MACROD2: variants seen among roughly 807,000 people sequenced by gnomAD.
MACROD2 encodes the protein ADP-ribose glycohydrolase MACROD2.
In MACROD2, 36 loss-of-function variants were observed where a neutral mutation model predicts 70.4. The observed-to-expected ratio is 0.51, with a 90% CI of 0.39 to 0.68. The LOEUF is 0.68. Among genes scored for constraint, MACROD2 ranks in the 30% least tolerant of loss-of-function variants. The pLI is 0.00. For missense variants in MACROD2, 496 were observed against 538.4 expected (o/e 0.92, Z 0.78); for synonymous variants, 172 against 178.8 (o/e 0.96, Z 0.30).
At chr20:14,515,888 T>G (rs1460948510) in intron 4 of MACROD2, among the ~76,000 whole-genome samples, 1 of 151,256 alleles carries the variant, frequency 6.6e-6, no homozygotes, top group African/African-American at 2.4e-5. Flanking sequence ...GGTAAGGTGA[T>G]AGATATGTTA....
chr20:14,295,812 TAGAGGATAAA>T (rs1422382704), intron 3 of MACROD2, among the ~76,000 whole-genome samples: 2 of 151,850 alleles, frequency 1.3e-5, no homozygotes, highest in East Asian at 1.9e-4. Context: ...GTTTACTCTA[TAGAGGATAAA>T]ACTTTTATTG....
chr20:14,755,953 A>C (rs2071934846), intron 5 of MACROD2, among the ~76,000 whole-genome samples: 1 of 152,128 alleles, frequency 6.6e-6, no homozygotes, highest in South Asian at 2.1e-4. Context: ...CTTAAGATTT[A>C]CTAGTAATGT....
chr20:14,888,163 G>C (rs1240212516), intron 5 of MACROD2: 1 of 152,108 alleles, frequency 6.6e-6, no homozygotes, highest in Non-Finnish European at 1.5e-5. Context: ...ATCAGTCCTG[G>C]AGCCTGAGTA....
chr20:15,470,909 C>T (rs894569485), intron 7 of MACROD2, among the ~76,000 whole-genome samples: 1 of 152,174 alleles, frequency 6.6e-6, no homozygotes, highest in African/African-American at 2.4e-5. Context: ...TGCCTTCTCT[C>T]AGTCCTTGGC....
chr20:14,565,316 A>G (rs1008032887), intron 4 of MACROD2, among the ~76,000 whole-genome samples: 3 of 151,676 alleles, frequency 2.0e-5, no homozygotes, highest in Admixed American at 6.6e-5. Context: ...ATGTAACACA[A>G]CTGAACTTAT....
chr20:14,728,892 C>T (rs995322736), intron 5 of MACROD2, among the ~76,000 whole-genome samples: 4 of 151,944 alleles, frequency 2.6e-5, no homozygotes, highest in African/African-American at 9.7e-5. Context: ...GTGTTTGCAT[C>T]CAAGAGATAT....
chr20:14,970,635 T>TA (rs199968213), intron 5 of MACROD2, among the ~76,000 whole-genome samples: 3,347 of 152,168 alleles, frequency 0.022, 135 homozygotes, highest in African/African-American at 0.075. Context: ...TTAAATTTTT[T>TA]AAAAAATTTA....
In MACROD2 at chr20:15,322,561, G is replaced by A. The variant is rs536789758; in HGVS notation, c.540+92500G>A. On this transcript the variant is annotated intron_variant, in intron 6 of 17. Transcript: ENST00000684519. Reference sequence around the variant, plus strand: ...AAAGAATGGATGAAAACCAAAATTCGTACTCTCCCCCGCTCAACTATTTAG... The same window carrying A: ...AAAGAATGGATGAAAACCAAAATTCATACTCTCCCCCGCTCAACTATTTAG... Among the ~76,000 whole-genome samples, 265 of 144,172 alleles carry A rather than the reference G, an allele frequency of 1.8e-3. 22 individuals carry two copies. The highest frequency in any genetic ancestry group is 6.2e-3 in the African/African-American group (251 of 40,400). The allele number at this position is 144,172 out of a possible 152,430, so 94.6% of individuals were successfully genotyped here. A position where few individuals can be genotyped will look rare whatever the true frequency, so the allele number is the denominator to read the frequency against.
At chr20:15,246,012 T>C (rs969256649) in intron 6 of MACROD2, among the ~76,000 whole-genome samples, 2 of 152,226 alleles carry the variant, frequency 1.3e-5, no homozygotes, top group Admixed American at 6.5e-5. Flanking sequence ...ATAACTCATA[T>C]GCAATGGCAT....
At chr20:15,516,891 A>C (rs573428204) in intron 8 of MACROD2, among the ~76,000 whole-genome samples, 1 of 152,316 alleles carries the variant, frequency 6.6e-6, no homozygotes, top group African/African-American at 2.4e-5. Context: ...TTCCTATCAC[A>C]TAACAGTTGT....
At chr20:15,789,950 A>T (rs1337938811) in intron 8 of MACROD2, among the ~76,000 whole-genome samples, 1 of 152,034 alleles carries the variant, frequency 6.6e-6, no homozygotes, top group Non-Finnish European at 1.5e-5. Flanking sequence ...GAAAATTATT[A>T]AAAAGGTATA....
intron 6 of MACROD2, among the ~76,000 whole-genome samples, chr20:15,414,198 A>T (rs934597362): frequency 3.3e-5 from 5 of 152,180 alleles, no homozygotes; most frequent in African/African-American, 4.8e-5. Context: ...CCATCAGTAC[A>T]GGGATCAGAA....
intron 3 of MACROD2, among the ~76,000 whole-genome samples, chr20:14,214,312 C>G (rs2081596279): frequency 6.6e-6 from 1 of 152,086 alleles, no homozygotes; most frequent in Non-Finnish European, 1.5e-5. Flanking sequence ...AAAACAAAAA[C>G]AGAGAGACCA....
At chr20:15,920,868 T>G (rs1329131846) in intron 10 of MACROD2, among the ~76,000 whole-genome samples, 1 of 152,224 alleles carries the variant, frequency 6.6e-6, no homozygotes, top group African/African-American at 2.4e-5. Context: ...TTCAGAGCTT[T>G]TGCAGTAGAG....
At chr20:14,777,003 T>G (rs879635105) in intron 5 of MACROD2, among the ~76,000 whole-genome samples, 1 of 152,130 alleles carries the variant, frequency 6.6e-6, no homozygotes, top group Non-Finnish European at 1.5e-5. Context: ...CATGCTTTGT[T>G]CTTTTTTATT....
chr20:14,941,477 CTG>C (rs937167136), intron 5 of MACROD2, among the ~76,000 whole-genome samples: 6 of 152,012 alleles, frequency 3.9e-5, no homozygotes, highest in Non-Finnish European at 8.8e-5. Context: ...AGTGTAGAAA[CTG>C]TGAATTAGTG....
chr20:14,921,326 G>A (rs2074160654), intron 5 of MACROD2, among the ~76,000 whole-genome samples: 1 of 152,182 alleles, frequency 6.6e-6, no homozygotes, highest in African/African-American at 2.4e-5. Flanking sequence ...AATTTAAACT[G>A]CTCATGTACA....
intron 6 of MACROD2, among the ~76,000 whole-genome samples, chr20:15,372,846 G>A (rs978265148): frequency 6.6e-6 from 1 of 152,118 alleles, no homozygotes; most frequent in African/African-American, 2.4e-5. Context: ...GAGGCCAGGA[G>A]TCAGAGAACA....
chr20:14,393,864 C>A (rs2083553099), intron 3 of MACROD2, among the ~76,000 whole-genome samples: 1 of 151,972 alleles, frequency 6.6e-6, no homozygotes, highest in African/African-American at 2.4e-5. Flanking sequence ...CGGGTGGAGC[C>A]CTATGTTAGG....
Sources: gnomAD v4.1 joint callset for allele counts (sites outside exome capture counted in the v4.1 genomes callset) on GRCh38, gnomAD v4.1.1 for gene constraint, MANE v1.5 for transcripts, NCBI Gene and HGNC (gene_info 2026-07-23, HGNC 2026-07-21) for gene names.